CCDC91: variants seen among roughly 807,000 people sequenced by gnomAD.
CCDC91 encodes coiled-coil domain containing 91, also known as coiled-coil domain-containing protein 91.
A neutral mutation model predicts 63.2 loss-of-function variants in CCDC91; 48 were observed. The observed-to-expected ratio is 0.76, with a 90% CI of 0.60 to 0.97. CCDC91 has a LOEUF of 0.97. Ranked by LOEUF, CCDC91 falls within the 50% of genes least tolerant of loss-of-function variation. The pLI is 0.00. For synonymous variants in CCDC91, 167 were observed against 165.8 expected (o/e 1.01, Z -0.06); for missense variants, 500 against 494.6 (o/e 1.01, Z -0.10).
At chr12:28,356,904 A>G (rs551620418) in intron 6 of CCDC91, among the ~76,000 whole-genome samples, 1 of 152,140 alleles carries the variant, frequency 6.6e-6, no homozygotes, top group Admixed American at 6.5e-5. Context: ...GAATTTCTTT[A>G]TCTTTTTAAG....
chr12:28,240,439 C>A (rs1945256780), intron 1 of CCDC91, among the ~76,000 whole-genome samples: 1 of 152,020 alleles, frequency 6.6e-6, no homozygotes, highest in Non-Finnish European at 1.5e-5. Context: ...AATGGGAACA[C>A]CTATTCTTCT....
intron 11 of CCDC91, among the ~76,000 whole-genome samples, chr12:28,453,775 A>C (rs1168863012): frequency 1.3e-5 from 2 of 152,132 alleles, no homozygotes; most frequent in Non-Finnish European, 2.9e-5. Context: ...ATTTCATGCC[A>C]GTAAGGTCAA....
intron 1 of CCDC91, among the ~76,000 whole-genome samples, chr12:28,200,893 C>G (rs541891478): frequency 6.7e-6 from 1 of 150,354 alleles, no homozygotes; most frequent in African/African-American, 2.5e-5. Flanking sequence ...GGCGGCTGGC[C>G]GGGCGGGGGG....
intron 1 of CCDC91, among the ~76,000 whole-genome samples, chr12:28,233,239 T>G (rs1412193905): frequency 1.3e-5 from 2 of 152,136 alleles, no homozygotes; most frequent in Non-Finnish European, 2.9e-5. Flanking sequence ...TAGTCTATCT[T>G]TCTCCATACC....
intron 8 of CCDC91, among the ~76,000 whole-genome samples, chr12:28,440,023 A>C (rs1215359306): frequency 6.6e-6 from 1 of 152,000 alleles, no homozygotes; most frequent in African/African-American, 2.4e-5. Flanking sequence ...AATTAATAGA[A>C]TATCTTAGAT....
At chr12:28,282,806 T>C (rs1416784520) in intron 3 of CCDC91, among the ~76,000 whole-genome samples, 3 of 152,122 alleles carry the variant, frequency 2.0e-5, no homozygotes, top group Non-Finnish European at 4.4e-5. Flanking sequence ...AGCATTTTTC[T>C]TAGGTTTTCT....
chr12:28,276,068 G>T (rs1414941102), intron 3 of CCDC91, among the ~76,000 whole-genome samples: 3 of 152,006 alleles, frequency 2.0e-5, no homozygotes, highest in Non-Finnish European at 2.9e-5. Context: ...GCACAAGACA[G>T]GGATGCCCTC....
At chr12:28,256,329 T>TA (rs1358239610) in intron 1 of CCDC91, among the ~76,000 whole-genome samples, 2 of 152,116 alleles carry the variant, frequency 1.3e-5, no homozygotes, top group Non-Finnish European at 2.9e-5. Context: ...AAACAATCTA[T>TA]ATGAGAACTT....
chr12:28,335,865 A>G (rs2137818088), intron 6 of CCDC91, among the ~76,000 whole-genome samples: 1 of 151,578 alleles, frequency 6.6e-6, no homozygotes, highest in Admixed American at 6.6e-5. Context: ...TGGTGGAAGG[A>G]CAGCTTTATG....
At chr12:28,228,072 T>A (rs1019070855) in intron 1 of CCDC91, among the ~76,000 whole-genome samples, 8 of 152,106 alleles carry the variant, frequency 5.3e-5, no homozygotes, top group Non-Finnish European at 1.0e-4. Context: ...CTTTTCATAA[T>A]TTTGCTTCTA....
intron 7 of CCDC91, among the ~76,000 whole-genome samples, chr12:28,377,633 A>G (rs536070546): frequency 6.6e-6 from 1 of 151,918 alleles, no homozygotes; most frequent in East Asian, 1.9e-4. Context: ...TTTATTTTTT[A>G]ATTTTTTTAT....
chr12:28,525,026 A>G (rs1941135990), intron 12 of CCDC91, among the ~76,000 whole-genome samples: 1 of 151,964 alleles, frequency 6.6e-6, no homozygotes, highest in South Asian at 2.1e-4. Context: ...ATTCAATTTT[A>G]TTTATCGTTT....
intron 11 of CCDC91, among the ~76,000 whole-genome samples, chr12:28,469,481 TAATA>T (rs1206637881): frequency 1.3e-5 from 2 of 151,976 alleles, no homozygotes; most frequent in Non-Finnish European, 2.9e-5. Flanking sequence ...TGGATTGAAA[TAATA>T]AATATTGTTA....
intron 6 of CCDC91, among the ~76,000 whole-genome samples, chr12:28,310,759 A>G (rs1473467123): frequency 6.6e-6 from 1 of 152,016 alleles, no homozygotes; most frequent in Non-Finnish European, 1.5e-5. Context: ...TGTATATTTC[A>G]GTTCTAAAAT....
At chr12:28,316,470 A>T (rs933670655) in intron 6 of CCDC91, among the ~76,000 whole-genome samples, 34 of 149,256 alleles carry the variant, frequency 2.3e-4, no homozygotes, top group African/African-American at 7.8e-4. Context: ...TCATTTTCCA[A>T]GTATCTTTTA....
chr12:28,521,993 T>A (rs1398776844), intron 12 of CCDC91, among the ~76,000 whole-genome samples: 1 of 152,222 alleles, frequency 6.6e-6, no homozygotes, highest in Non-Finnish European at 1.5e-5. Context: ...TCTTGAGGAT[T>A]TTTGCATCAA....
intron 1 of CCDC91, among the ~76,000 whole-genome samples, chr12:28,219,874 A>G (rs1347907349): frequency 6.6e-6 from 1 of 151,440 alleles, no homozygotes; most frequent in Non-Finnish European, 1.5e-5. Flanking sequence ...TCATTATGAA[A>G]TTTCTCCCTT....
At chr12:28,417,095 C>G (rs1592610979) in intron 8 of CCDC91, among the ~76,000 whole-genome samples, 1 of 152,150 alleles carries the variant, frequency 6.6e-6, no homozygotes, top group Non-Finnish European at 1.5e-5. Flanking sequence ...CAGTAGGAAC[C>G]TGTATGAACT....
chr12:28,198,436 C>T (rs12146881), intron 1 of CCDC91, among the ~76,000 whole-genome samples: 39,703 of 152,004 alleles, frequency 0.26, 5,452 homozygotes, highest in Non-Finnish European at 0.31. Context: ...ATTTTAATTA[C>T]GAATTTTATA....
Sources: gnomAD v4.1 joint callset for allele counts (sites outside exome capture counted in the v4.1 genomes callset) on GRCh38, gnomAD v4.1.1 for gene constraint, MANE v1.5 for transcripts, NCBI Gene and HGNC (gene_info 2026-07-23, HGNC 2026-07-21) for gene names.